Variants in SPMIP2 observed in about 807,000 individuals in gnomAD.
The protein encoded by SPMIP2 is sperm microtubule inner protein 2, also known as protein SPMIP2.
chr4:159,077,722 A>G, the SPMIP2 span, among the ~76,000 whole-genome samples: 1 of 152,220 alleles, frequency 6.6e-6, no homozygotes, highest in African/African-American at 2.4e-5. Flanking sequence ...TTCATTTCGA[A>G]CTCAGTGTTA....
chr4:158,975,225 A>C, the SPMIP2 span, among the ~76,000 whole-genome samples: 1 of 151,746 alleles, frequency 6.6e-6, no homozygotes, highest in African/African-American at 2.4e-5. Flanking sequence ...AGATTGCAAA[A>C]ATTTTCTCCC....
chr4:158,979,006 TAGG>T, the SPMIP2 span, among the ~76,000 whole-genome samples: 14 of 152,146 alleles, frequency 9.2e-5, no homozygotes, highest in Admixed American at 8.5e-4. Flanking sequence ...CCCAGGGAGA[TAGG>T]AGTTTTATCT....
the SPMIP2 span, among the ~76,000 whole-genome samples, chr4:158,925,515 G>C: frequency 6.6e-6 from 1 of 152,196 alleles, no homozygotes; most frequent in South Asian, 2.1e-4. Context: ...TGGACGAAGA[G>C]GGGGTTGAAT....
the SPMIP2 span, among the ~76,000 whole-genome samples, chr4:158,970,231 G>GAA: frequency 6.6e-6 from 1 of 152,010 alleles, no homozygotes; most frequent in African/African-American, 2.4e-5. Context: ...TCAAAAGTCT[G>GAA]AGTCTACACT....
the SPMIP2 span, among the ~76,000 whole-genome samples, chr4:158,896,777 G>GTT: frequency 1.8e-4 from 24 of 132,176 alleles, no homozygotes; most frequent in South Asian, 9.5e-4. Flanking sequence ...TCTCTTTGTC[G>GTT]TTTTTTTTTT....
chr4:158,951,425 T>C, the SPMIP2 span, among the ~76,000 whole-genome samples: 4 of 152,242 alleles, frequency 2.6e-5, no homozygotes, highest in African/African-American at 9.6e-5. Context: ...TAAGTATTTG[T>C]GTATCTAGAC....
chr4:158,961,393 C>T, the SPMIP2 span, among the ~76,000 whole-genome samples: 1 of 152,094 alleles, frequency 6.6e-6, no homozygotes, highest in Admixed American at 6.5e-5. Flanking sequence ...AAACCTTAAT[C>T]TCTTCAATGT....
chr4:159,028,329 T>G, the SPMIP2 span, among the ~76,000 whole-genome samples: 3 of 152,360 alleles, frequency 2.0e-5, no homozygotes, highest in Non-Finnish European at 2.9e-5. Context: ...ATGTAATTTT[T>G]AAGTATTTTT....
chr4:158,910,064 A>G, the SPMIP2 span, among the ~76,000 whole-genome samples: 1 of 152,012 alleles, frequency 6.6e-6, no homozygotes, highest in Non-Finnish European at 1.5e-5. Context: ...AAAAATTTGT[A>G]GAGACAGGGT....
the SPMIP2 span, among the ~76,000 whole-genome samples, chr4:159,026,887 A>G: frequency 6.7e-6 from 1 of 150,020 alleles, no homozygotes; most frequent in African/African-American, 2.4e-5. Context: ...TTATATATTT[A>G]TATTTATGCA....
chr4:158,987,561 T>G, the SPMIP2 span, among the ~76,000 whole-genome samples: 2 of 151,850 alleles, frequency 1.3e-5, no homozygotes, highest in African/African-American at 2.4e-5. Flanking sequence ...TTCTCACTCA[T>G]AGGTGGGAAT....
At chr4:159,003,949 A>C in the SPMIP2 span, among the ~76,000 whole-genome samples, 1 of 152,196 alleles carries the variant, frequency 6.6e-6, no homozygotes, top group Non-Finnish European at 1.5e-5. Flanking sequence ...ACAGAAAAGG[A>C]ACTTAGACTG....
the SPMIP2 span, among the ~76,000 whole-genome samples, chr4:159,044,644 C>A: frequency 6.6e-6 from 1 of 152,052 alleles, no homozygotes; most frequent in African/African-American, 2.4e-5. Flanking sequence ...ACACACAGCC[C>A]TTGGAAGGGG....
At chr4:158,927,090 T>G in the SPMIP2 span, among the ~76,000 whole-genome samples, 2 of 152,242 alleles carry the variant, frequency 1.3e-5, no homozygotes, top group Non-Finnish European at 2.9e-5. Context: ...GTTCTGTCAG[T>G]TTTTGCTTCA....
At chr4:158,897,951 T>C in the SPMIP2 span, among the ~76,000 whole-genome samples, 1 of 152,266 alleles carries the variant, frequency 6.6e-6, no homozygotes, top group Admixed American at 6.5e-5. Flanking sequence ...GGTTTTCTTC[T>C]AGGGTTTTTA....
chr4:159,045,534 A>T, the SPMIP2 span, among the ~76,000 whole-genome samples: 1 of 152,198 alleles, frequency 6.6e-6, no homozygotes, highest in Non-Finnish European at 1.5e-5. Flanking sequence ...CCTAAAGGAG[A>T]CAGTTTTAAA....
the SPMIP2 span, among the ~76,000 whole-genome samples, chr4:158,921,753 C>T: frequency 1.6e-4 from 24 of 152,126 alleles, no homozygotes; most frequent in African/African-American, 5.6e-4. Context: ...TTTAAAAACC[C>T]AAGATCACAG....
chr4:158,980,746 T>C, the SPMIP2 span, among the ~76,000 whole-genome samples: 7 of 152,080 alleles, frequency 4.6e-5, no homozygotes, highest in African/African-American at 9.7e-5. Flanking sequence ...TCCACATAGA[T>C]GAGGAGAAAC....
At chr4:158,973,356 T>A in the SPMIP2 span, 1 of 1,232,896 alleles carries the variant, frequency 8.1e-7, no homozygotes, top group Non-Finnish European at 1.1e-6. Flanking sequence ...CACTTTATTC[T>A]AAGATACTTT....
Sources: gnomAD v4.1 joint callset for allele counts (sites outside exome capture counted in the v4.1 genomes callset) on GRCh38, gnomAD v4.1.1 for gene constraint, MANE v1.5 for transcripts, NCBI Gene and HGNC (gene_info 2026-07-23, HGNC 2026-07-21) for gene names.